Variants in CLPTM1L observed in about 807,000 individuals in gnomAD.
CLPTM1L encodes the protein CLPTM1 like, also known as lipid scramblase CLPTM1L.
Under a neutral mutation model 70.9 loss-of-function variants are expected in CLPTM1L, and 38 were observed. That is an observed-to-expected ratio of 0.54 (90% CI 0.41 to 0.70). The LOEUF (loss-of-function observed/expected upper bound fraction) is 0.70. CLPTM1L is among the 30% of genes least tolerant of loss of function. CLPTM1L has a pLI of 0.00. For missense variants in CLPTM1L, 652 were observed against 705.9 expected, an observed-to-expected ratio of 0.92 and a Z score of 0.87; for synonymous variants, 339 against 299.9, an observed-to-expected ratio of 1.13 and a Z score of -1.35.
At position 1,335,114 on chromosome 5, in the gene CLPTM1L, C is replaced by G. The variant is rs1299520953; in HGVS notation, c.739G>C (p.Gly247Arg). 6.2e-7 allele frequency: 1 copy of G among 1,613,698 alleles called. No individual in the cohort carries two copies. The highest frequency in any genetic ancestry group is 1.7e-5 in the Admixed American group (1 of 60,034). The change falls in exon 6 of 17, where the codon GGG becomes CGG. Residue 247 changes from glycine to arginine, a missense_variant. By Grantham distance (125) the Gly-to-Arg change is moderately radical. Transcript: ENST00000320895. ...ATGTGGATCCAGAAGCGCAGCCGCC[C>G]CAGTGAGACCTTGTCGTAGGACACG... Reference protein sequence around the residue: ...LTVSYDKVSLGRLRFWIHMQD... With the variant: ...LTVSYDKVSLRRLRFWIHMQD...
intron 15 of CLPTM1L, among the ~76,000 whole-genome samples, 164 bp from the exon 16 acceptor site, chr5:1,320,895 G>A (rs989871969): frequency 9.9e-5 from 15 of 152,204 alleles, no homozygotes; most frequent in African/African-American, 3.1e-4. Flanking sequence ...GTGGAGATAC[G>A]GAGCTCTGTT....
At chr5:1,337,513 G>T (rs543638221) in intron 5 of CLPTM1L, among the ~76,000 whole-genome samples, 36 of 152,364 alleles carry the variant, frequency 2.4e-4, no homozygotes, top group African/African-American at 8.7e-4. Context: ...CCCTGGTGGG[G>T]AAAGCAGGAG....
chr5:1,332,232 C>T, intron 7 of CLPTM1L: 1 of 268,634 alleles, frequency 3.7e-6, no homozygotes, highest in South Asian at 6.2e-5. Flanking sequence ...GCAGCCTCAT[C>T]TCTCAACTGT....
At chr5:1,326,929 A>G (rs1169058080) in intron 9 of CLPTM1L, among the ~76,000 whole-genome samples, 3 of 148,474 alleles carry the variant, frequency 2.0e-5, no homozygotes, top group Non-Finnish European at 4.4e-5. Context: ...CTCCTCCTCT[A>G]CGGACACATT....
Position 1,338,002 on chromosome 5 carries a change from T to C in CLPTM1L, c.600-20A>G. The C allele has an allele frequency of 1.1e-5, 17 of 1,590,182 alleles. No individual in the cohort carries two copies. Among genetic ancestry groups the C allele is most frequent in the Non-Finnish European group, 1.2e-5 (14 of 1,167,742 alleles). On this transcript the variant is annotated intron_variant, in intron 4 of 16. Coordinates refer to ENST00000320895, the MANE Select transcript of CLPTM1L (RefSeq NM_030782.5). ...TGGATCCTGGGATTAAAGCACAACTTTCCAAAGTCAGCACCAAGGCTTTTA... is the reference window on the plus strand; with the variant it reads ...TGGATCCTGGGATTAAAGCACAACTCTCCAAAGTCAGCACCAAGGCTTTTA...
intron 3 of CLPTM1L, among the ~76,000 whole-genome samples, chr5:1,339,442 G>T (rs1346870531): frequency 7.5e-6 from 1 of 132,676 alleles, no homozygotes; most frequent in Non-Finnish European, 1.6e-5. Context: ...AACTGTGCCC[G>T]GGACAGCAGG....
At chr5:1,324,878 T>A in intron 10 of CLPTM1L, 65 bp from the exon 11 acceptor site, 1 of 1,469,836 alleles carries the variant, frequency 6.8e-7, no homozygotes, top group Non-Finnish European at 9.5e-7. Flanking sequence ...AGCTGAGCTG[T>A]GACTAAGGGG....
chr5:1,321,937 A>AAAAC, intron 13 of CLPTM1L, 118 bp from the exon 14 acceptor site: 1 of 891,416 alleles, frequency 1.1e-6, no homozygotes, highest in East Asian at 2.6e-5. Flanking sequence ...TAGTGGGCAG[A>AAAAC]AAACAAGGTC....
chr5:1,332,320 C>A, intron 7 of CLPTM1L: 1 of 171,896 alleles, frequency 5.8e-6, no homozygotes, highest in East Asian at 1.6e-4. Flanking sequence ...AAAGGACCAC[C>A]TAAGCCCAGG....
At chr5:1,330,146 C>T (rs1752986917) in intron 9 of CLPTM1L, 134 bp downstream of exon 9, 2 of 734,494 alleles carry the variant, frequency 2.7e-6, no homozygotes, top group Non-Finnish European at 2.4e-6. Context: ...CCTACAGCTT[C>T]CAGAACACTG....
At chr5:1,332,252 G>A (rs767201472) in intron 7 of CLPTM1L, 2 of 216,966 alleles carry the variant, frequency 9.2e-6, no homozygotes, top group Non-Finnish European at 1.9e-5. Context: ...TGCTAAAAAC[G>A]CAAGGGCTGG....
rs146400141 is a variant in CLPTM1L at position 1,334,357 on chromosome 5, C to T, written c.823G>A (p.Val275Met). ...TTGGTATCTACAAAAATTCCTTTCACCTCATCAGCATCTTTCTCTGAAAAC... is the reference window on the plus strand; with the variant it reads ...TTGGTATCTACAAAAATTCCTTTCATCTCATCAGCATCTTTCTCTGAAAAC... ...FGFSEKDADEVKGIFVDTNLY... is the reference protein window; with the variant it reads ...FGFSEKDADEMKGIFVDTNLY... Residue 275 changes from valine (V) to methionine (M), a missense_variant, in exon 7 of 17, where the codon GTG becomes ATG. Physicochemically the swap from Val to Met is conservative, Grantham distance 21. Coordinates refer to ENST00000320895, the MANE Select transcript of CLPTM1L (RefSeq NM_030782.5). 7 of 1,611,840 alleles carry T rather than the reference C, an allele frequency of 4.3e-6. No individual in the cohort carries two copies. The African/African-American group carries it at 5.4e-5, about 12-fold the overall frequency.
chr5:1,321,535 C>T (rs1409321684), intron 15 of CLPTM1L, 100 bp downstream of exon 15: 10 of 1,066,906 alleles, frequency 9.4e-6, no homozygotes, highest in Non-Finnish European at 1.3e-5. Flanking sequence ...TGCAGATGCA[C>T]TCTGGGCAGA....
intron 5 of CLPTM1L, 21 bp from the exon 6 acceptor site, chr5:1,335,195 GA>G: frequency 6.3e-7 from 1 of 1,595,324 alleles, no homozygotes; most frequent in Non-Finnish European, 8.6e-7. Context: ...AAGCCACACT[GA>G]GGGCCCTGCC....
At chr5:1,325,461 A>G in intron 10 of CLPTM1L, 2 of 489,210 alleles carry the variant, frequency 4.1e-6, no homozygotes, top group Non-Finnish European at 7.3e-6. Context: ...CAAGGTGCCA[A>G]AACGAAGCAC....
At chr5:1,323,679 T>C (rs1752325171) in intron 12 of CLPTM1L, 108 bp downstream of exon 12, 1 of 852,960 alleles carries the variant, frequency 1.2e-6, no homozygotes, top group Non-Finnish European at 1.9e-6. Flanking sequence ...CTGGCCCAAG[T>C]GCCCCGGCCC....
chr5:1,323,622 C>T (rs1340001562), intron 12 of CLPTM1L, among the ~76,000 whole-genome samples, 165 bp downstream of exon 12: 1 of 152,212 alleles, frequency 6.6e-6, no homozygotes. Flanking sequence ...ACACTGAGGC[C>T]CAGAGCCCAC....
At chr5:1,344,504 A>C (rs1046089426) in intron 1 of CLPTM1L, 53 bp from the exon 2 acceptor site, 42 of 1,543,700 alleles carry the variant, frequency 2.7e-5, no homozygotes, top group Non-Finnish European at 3.5e-5. Flanking sequence ...GGCAGGACGC[A>C]CTCAAATCCC....
chr5:1,337,873 T>C (rs769080361), intron 5 of CLPTM1L, 31 bp downstream of exon 5: 3 of 1,549,768 alleles, frequency 1.9e-6, no homozygotes, highest in South Asian at 2.4e-5. Flanking sequence ...TCTCGCCAGC[T>C]GCACAACCAG....
Sources: gnomAD v4.1 joint callset for allele counts (sites outside exome capture counted in the v4.1 genomes callset) on GRCh38, gnomAD v4.1.1 for gene constraint, MANE v1.5 for transcripts, NCBI Gene and HGNC (gene_info 2026-07-23, HGNC 2026-07-21) for gene names.